FRYL: variants seen among roughly 807,000 people sequenced by gnomAD.
FRYL encodes the protein FRY like transcription coactivator.
In FRYL, 150 loss-of-function variants were observed where a neutral mutation model predicts 351.2. The ratio of observed to expected loss-of-function variants is 0.43; its 90% confidence interval spans 0.37 to 0.49. The LOEUF is 0.49. Among genes scored for constraint, FRYL ranks in the 20% least tolerant of loss-of-function variants. The probability of loss-of-function intolerance (pLI) is 0.00; values close to 1 mark genes in which losing one functional copy is unlikely to be tolerated. For synonymous variants in FRYL, 1,153 were observed against 1,257.1 expected, an observed-to-expected ratio of 0.92 and a Z score of 1.75; for missense variants, 3,036 against 3,619.3, an observed-to-expected ratio of 0.84 and a Z score of 4.13.
Position 48,567,175 on chromosome 4 carries a change from T to A in FRYL, c.3169+73A>T. The A allele has an allele frequency of 7.9e-7, 1 of 1,259,180 alleles. No individual in the cohort carries two copies. Among genetic ancestry groups the A allele is most frequent in the Non-Finnish European group, 1.1e-6 (1 of 907,116 alleles). 78.0% of individuals were successfully genotyped at this position (1,259,180 alleles called of 1,614,324 possible). On this transcript the variant is annotated intron_variant, in intron 28 of 63. Transcript: ENST00000358350. The surrounding 1 kb of genome is among the most constrained non-coding windows in gnomAD (Gnocchi z 4.2). ...ACGTTACTTTATCAACTTAGATTAT[T>A]AAACCTCAAGGAAAGAAAAAATATG...
At chr4:48,658,352 A>G (rs535934467) in intron 3 of FRYL, among the ~76,000 whole-genome samples, 1 of 152,184 alleles carries the variant, frequency 6.6e-6, no homozygotes, top group South Asian at 2.1e-4. Flanking sequence ...ACAAATGTCA[A>G]ATACCACATC....
rs921529265 is a variant in FRYL at position 48,602,712 on chromosome 4, A to C, written c.933+578T>G. 5.3e-5 allele frequency among the ~76,000 whole-genome samples: 8 copies of C among 152,200 alleles called. No homozygotes were observed. The East Asian group carries it at 1.5e-3, about 29-fold the overall frequency. ...GCTACGTAAAAGTTATGTGAAATAG[A>C]CAGGTAGAAAAAAATGCCTTCAATC... On this transcript the variant is annotated intron_variant, in intron 12 of 63. Coordinates refer to ENST00000358350, the MANE Select transcript of FRYL (RefSeq NM_015030.2).
intron 7 of FRYL, among the ~76,000 whole-genome samples, chr4:48,612,649 G>A (rs1484877820): frequency 6.6e-6 from 1 of 152,130 alleles, no homozygotes; most frequent in African/African-American, 2.4e-5. Flanking sequence ...CACGATCTCT[G>A]CTCACTGCAA....
At chr4:48,711,806 G>A (rs1768085543) in intron 1 of FRYL, among the ~76,000 whole-genome samples, 1 of 152,172 alleles carries the variant, frequency 6.6e-6, no homozygotes, top group African/African-American at 2.4e-5. Flanking sequence ...AGTCTAACTG[G>A]GAGGCACTGC....
At chr4:48,583,818 T>C (rs1027996329) in intron 19 of FRYL, among the ~76,000 whole-genome samples, 3 of 151,828 alleles carry the variant, frequency 2.0e-5, no homozygotes, top group African/African-American at 7.3e-5. Context: ...GGCAGGAGAA[T>C]TGCTTGAACC....
intron 3 of FRYL, among the ~76,000 whole-genome samples, chr4:48,638,727 A>G (rs1054706187): frequency 2.6e-5 from 4 of 152,228 alleles, no homozygotes; most frequent in African/African-American, 9.6e-5. Flanking sequence ...TCAATGATAG[A>G]CTGAGTAAAG....
chr4:48,605,898 C>T, intron 10 of FRYL, 65 bp from the exon 11 acceptor site: 1 of 976,808 alleles, frequency 1.0e-6, no homozygotes, highest in Non-Finnish European at 1.6e-6. Flanking sequence ...TTTGTAATAT[C>T]ACATCATTTT....
intron 60 of FRYL, among the ~76,000 whole-genome samples, chr4:48,503,724 A>G (rs1720265711): frequency 6.6e-6 from 1 of 152,156 alleles, no homozygotes; most frequent in Non-Finnish European, 1.5e-5. Context: ...CTATCAATTT[A>G]GAAGGGATTT....
chr4:48,500,410 ATAG>A (rs1238628383), intron 62 of FRYL, among the ~76,000 whole-genome samples, 190 bp from the exon 63 acceptor site: 1 of 152,208 alleles, frequency 6.6e-6, no homozygotes, highest in Non-Finnish European at 1.5e-5. Flanking sequence ...ATTCCACCAA[ATAG>A]TAGTCTTGAA....
intron 2 of FRYL, among the ~76,000 whole-genome samples, chr4:48,692,386 GTTTC>G (rs561587214): frequency 2.9e-4 from 44 of 151,862 alleles, no homozygotes; most frequent in Admixed American, 8.5e-4. Context: ...TCAAGCCTTA[GTTTC>G]TTTCTATCTT....
In FRYL at chr4:48,498,319, C is replaced by A. The variant is rs2148681780; in HGVS notation, c.*1103G>T. 1 of 152,240 alleles carries A rather than the reference C, an allele frequency of 6.6e-6. No individual in the cohort carries two copies. Among genetic ancestry groups the A allele is most frequent in the Non-Finnish European group, 1.5e-5 (1 of 68,004 alleles). 9.4% of individuals were successfully genotyped at this position (152,240 alleles called of 1,614,324 possible). On this transcript the variant is annotated 3_prime_UTR_variant, in exon 64 of 64. Coordinates refer to ENST00000358350, the MANE Select transcript of FRYL (RefSeq NM_015030.2). ...TGAATTCTGCAGACTTCAAAGCCTG[C>A]AAGTCATATATTCCATCATCAATGA...
Position 48,564,115 on chromosome 4 carries a change from T to C in FRYL, c.3442-13A>G, listed in dbSNP as rs1736183635. The C allele has an allele frequency of 6.2e-7, 1 of 1,612,172 alleles. No individual in the cohort carries two copies. The highest frequency in any genetic ancestry group is 1.7e-5 in the Admixed American group (1 of 59,402). The stretch of plus-strand genomic sequence containing the variant: ...CCAGCTGGTGAACCTAGGTAAAGGT[T>C]GTGAAATTGCCCGAGAGAGAACGTT... On this transcript the variant is annotated splice_polypyrimidine_tract_variant and intron_variant, in intron 30 of 63. Transcript: ENST00000358350.
chr4:48,551,435 C>T, intron 37 of FRYL, 59 bp downstream of exon 37: 4 of 883,304 alleles, frequency 4.5e-6, no homozygotes, highest in Non-Finnish European at 5.2e-6. Context: ...ATCATTTATT[C>T]TGATGACAAC....
chr4:48,536,181 C>T (rs1728836070), intron 47 of FRYL, among the ~76,000 whole-genome samples: 2 of 152,158 alleles, frequency 1.3e-5, no homozygotes, highest in African/African-American at 4.8e-5. Context: ...GCACAAGTGA[C>T]TACACAGGCA....
At chr4:48,678,559 AGTACATTGGAAGAGCCAGACACTTT>A (rs1764137064) in intron 3 of FRYL, among the ~76,000 whole-genome samples, 1 of 151,446 alleles carries the variant, frequency 6.6e-6, no homozygotes. Context: ...GATCAGTACA[AGTACATTGGAAGAGCCAGACACTTT>A]AAAACCAAAT....
At chr4:48,714,832 T>A (rs1176125204) in intron 1 of FRYL, among the ~76,000 whole-genome samples, 46 of 146,154 alleles carry the variant, frequency 3.1e-4, no homozygotes, top group African/African-American at 7.2e-4. Context: ...AAGAGAATTT[T>A]AGACCAATAT....
At chr4:48,501,601 C>T in intron 62 of FRYL, 22 bp downstream of exon 62, 3 of 1,264,514 alleles carry the variant, frequency 2.4e-6, no homozygotes, top group Non-Finnish European at 3.5e-6. Flanking sequence ...GTTACTGATG[C>T]CTAATACAAC....
intron 2 of FRYL, among the ~76,000 whole-genome samples, chr4:48,696,994 C>T (rs577044614): frequency 8.6e-5 from 13 of 151,594 alleles, no homozygotes; most frequent in African/African-American, 3.1e-4. Flanking sequence ...AATTTTTCTC[C>T]AAAAAAAGTC....
chr4:48,527,738 G>A (rs1390196599), intron 52 of FRYL, 85 bp from the exon 53 acceptor site: 11 of 1,311,634 alleles, frequency 8.4e-6, no homozygotes, highest in Admixed American at 4.6e-5. Context: ...CAAAGCCACC[G>A]CAGGCCTCAT....
Sources: gnomAD v4.1 joint callset for allele counts (sites outside exome capture counted in the v4.1 genomes callset) on GRCh38, gnomAD v4.1.1 for gene constraint, Gnocchi (gnomAD v3.1) non-coding constraint, MANE v1.5 for transcripts, NCBI Gene and HGNC (gene_info 2026-07-23, HGNC 2026-07-21) for gene names.